CDKAL1: variants seen among roughly 807,000 people sequenced by gnomAD.
CDKAL1 encodes the protein CDKAL1 threonylcarbamoyladenosine tRNA methylthiotransferase, also known as threonylcarbamoyladenosine tRNA methylthiotransferase.
Under a neutral mutation model 68.2 loss-of-function variants are expected in CDKAL1, and 32 were observed. The ratio of observed to expected loss-of-function variants is 0.47; its 90% CI spans 0.35 to 0.63. The LOEUF (loss-of-function observed/expected upper bound fraction) is 0.63, where lower values mean the gene tolerates loss of function less well. Ranked by LOEUF, CDKAL1 falls within the 30% of genes least tolerant of loss-of-function variation. CDKAL1 has a pLI of 0.00. For synonymous variants in CDKAL1, 234 were observed against 244.3 expected, an observed-to-expected ratio of 0.96 and a Z score of 0.39; for missense variants, 606 against 696.7, an observed-to-expected ratio of 0.87 and a Z score of 1.47.
chr6:21,061,612 C>A (rs1444048262), intron 11 of CDKAL1, among the ~76,000 whole-genome samples: 2 of 152,084 alleles, frequency 1.3e-5, no homozygotes. Flanking sequence ...CCATTTAAAT[C>A]ATATTCTAGT....
chr6:21,188,150 A>G (rs116359915), intron 13 of CDKAL1, among the ~76,000 whole-genome samples: 2,194 of 152,194 alleles, frequency 0.014, 52 homozygotes, highest in African/African-American at 0.049. Context: ...TGTCATTAGT[A>G]TATATGTCAT....
intron 4 of CDKAL1, among the ~76,000 whole-genome samples, chr6:20,568,579 A>G (rs1266573925): frequency 6.6e-6 from 1 of 151,602 alleles, no homozygotes; most frequent in Admixed American, 6.6e-5. Context: ...TAACAATACA[A>G]AAAAAATTAG....
intron 15 of CDKAL1, among the ~76,000 whole-genome samples, chr6:21,221,437 A>T (rs532589551): frequency 6.6e-6 from 1 of 152,202 alleles, no homozygotes; most frequent in East Asian, 1.9e-4. Flanking sequence ...CATGTTGCCC[A>T]GGTTAGTGTA....
At chr6:20,568,451 T>C (rs1764550835) in intron 4 of CDKAL1, among the ~76,000 whole-genome samples, 1 of 151,596 alleles carries the variant, frequency 6.6e-6, no homozygotes. Context: ...TTAAGAAATG[T>C]GGGCCTGGCA....
chr6:20,866,735 A>T (rs1459773057), intron 9 of CDKAL1, among the ~76,000 whole-genome samples: 1 of 152,178 alleles, frequency 6.6e-6, no homozygotes, highest in Non-Finnish European at 1.5e-5. Flanking sequence ...GTTCCTGACT[A>T]CATAATAGTT....
At chr6:20,684,678 A>G (rs1422436502) in intron 5 of CDKAL1, among the ~76,000 whole-genome samples, 1 of 152,094 alleles carries the variant, frequency 6.6e-6, no homozygotes, top group Non-Finnish European at 1.5e-5. Flanking sequence ...CCTTGCCAAC[A>G]TTTGGTGTTA....
intron 4 of CDKAL1, among the ~76,000 whole-genome samples, chr6:20,557,925 C>T (rs183721637): frequency 3.3e-5 from 5 of 151,458 alleles, no homozygotes; most frequent in South Asian, 2.1e-4. Context: ...AGTGAGACTC[C>T]GTCTTAAACA....
chr6:20,982,750 A>G lies in CDKAL1; in HGVS notation c.910-17477A>G, dbSNP rs552276021. 1.2e-4 allele frequency among the ~76,000 whole-genome samples: 18 copies of G among 152,096 alleles called. 1 individual carries two copies. Among genetic ancestry groups the G allele is most frequent in the Non-Finnish European group, 2.4e-4 (16 of 68,002 alleles). ...TAAGTTAGATTTTTTTTTTATTTGT[A>G]GAGACCACAGACTGCCAGAAAGGGG... is the stretch of plus-strand genomic sequence containing the variant. On this transcript the variant is annotated intron_variant, in intron 10 of 15. Coordinates refer to ENST00000274695, the MANE Select transcript of CDKAL1 (RefSeq NM_017774.3).
At chr6:20,959,087 C>T (rs1481051549) in intron 10 of CDKAL1, among the ~76,000 whole-genome samples, 1 of 152,132 alleles carries the variant, frequency 6.6e-6, no homozygotes, top group Non-Finnish European at 1.5e-5. Flanking sequence ...AAGAGTCTAG[C>T]ATTGTGTGTG....
At chr6:20,858,697 A>T (rs1759462398) in intron 9 of CDKAL1, among the ~76,000 whole-genome samples, 1 of 152,188 alleles carries the variant, frequency 6.6e-6, no homozygotes, top group African/African-American at 2.4e-5. Context: ...TCATTTTGAT[A>T]CATTTACATG....
intron 11 of CDKAL1, among the ~76,000 whole-genome samples, chr6:21,043,873 G>T (rs1770076440): frequency 6.6e-6 from 1 of 152,298 alleles, no homozygotes; most frequent in East Asian, 1.9e-4. Context: ...GCTGTGATGA[G>T]ATATAGTCAT....
intron 9 of CDKAL1, among the ~76,000 whole-genome samples, chr6:20,913,106 C>T (rs893811147): frequency 7.1e-6 from 1 of 140,636 alleles, no homozygotes; most frequent in Admixed American, 7.4e-5. Context: ...ACCATTGAAC[C>T]ACAGTTGTTT....
chr6:21,160,722 T>G (rs1776890168), intron 13 of CDKAL1, among the ~76,000 whole-genome samples: 1 of 148,184 alleles, frequency 6.7e-6, no homozygotes, highest in African/African-American at 2.5e-5. Flanking sequence ...TTTTTTAACT[T>G]TAATTTCTGG....
chr6:20,934,150 G>A (rs996710346), intron 9 of CDKAL1, among the ~76,000 whole-genome samples: 4 of 152,154 alleles, frequency 2.6e-5, no homozygotes, highest in African/African-American at 9.7e-5. Flanking sequence ...TTGAAGGCAT[G>A]GCTGGATCTC....
At chr6:20,961,804 C>G (rs550999477) in intron 10 of CDKAL1, among the ~76,000 whole-genome samples, 2 of 151,486 alleles carry the variant, frequency 1.3e-5, no homozygotes, top group Non-Finnish European at 2.9e-5. Flanking sequence ...AAAAAAACAT[C>G]AAGTACTACG....
chr6:20,693,415 CCT>C (rs1162173695), intron 5 of CDKAL1, among the ~76,000 whole-genome samples: 3 of 152,116 alleles, frequency 2.0e-5, no homozygotes, highest in African/African-American at 7.2e-5. Flanking sequence ...ACTCTGAAAT[CCT>C]CTGAGACCAA....
intron 9 of CDKAL1, among the ~76,000 whole-genome samples, chr6:20,935,280 T>G (rs182523928): frequency 2.0e-5 from 3 of 152,214 alleles, no homozygotes; most frequent in African/African-American, 7.2e-5. Flanking sequence ...TAATGAACTT[T>G]TAGCCTTCTC....
At chr6:20,536,375 C>T (rs1763173408) in intron 2 of CDKAL1, among the ~76,000 whole-genome samples, 1 of 151,898 alleles carries the variant, frequency 6.6e-6, no homozygotes, top group African/African-American at 2.4e-5. Context: ...AATGTTAGCT[C>T]CTAAATTTAG....
chr6:20,655,461 C>T (rs921374933), intron 5 of CDKAL1, among the ~76,000 whole-genome samples: 13 of 152,162 alleles, frequency 8.5e-5, no homozygotes, highest in African/African-American at 2.4e-4. Flanking sequence ...GACGTGTACT[C>T]GTCTGTGGCC....
Sources: allele counts gnomAD v4.1 joint callset (sites outside exome capture counted in the v4.1 genomes callset), GRCh38; gene constraint gnomAD v4.1.1; transcripts MANE v1.5; gene names NCBI Gene and HGNC (gene_info 2026-07-23, HGNC 2026-07-21).